The following SORCS3 variants were observed in gnomAD, a reference collection of about 807,000 sequenced individuals.
SORCS3 encodes the protein sortilin related VPS10 domain containing receptor 3.
A neutral mutation model predicts 146.3 loss-of-function variants in SORCS3; 57 were observed. The observed-to-expected ratio is 0.39, with a 90% CI of 0.31 to 0.49. The LOEUF (loss-of-function observed/expected upper bound fraction) is 0.49, where lower values mean the gene tolerates loss of function less well. Among genes scored for constraint, SORCS3 ranks in the 20% least tolerant of loss-of-function variants. The probability of loss-of-function intolerance (pLI) is 0.92; values close to 1 mark genes in which losing one functional copy is unlikely to be tolerated. For synonymous variants in SORCS3, 653 were observed against 618.5 expected, an observed-to-expected ratio of 1.06 and a Z score of -0.83; for missense variants, 1,341 against 1,575.5, an observed-to-expected ratio of 0.85 and a Z score of 2.52.
intron 20 of SORCS3, among the ~76,000 whole-genome samples, chr10:105,225,313 T>C (rs561948206): frequency 1.3e-5 from 2 of 152,216 alleles, no homozygotes; most frequent in South Asian, 2.1e-4. Context: ...TATCCAGTTG[T>C]TCAAGCACCA....
chr10:105,184,828 C>T (rs1164537924), intron 14 of SORCS3, among the ~76,000 whole-genome samples: 1 of 152,274 alleles, frequency 6.6e-6, no homozygotes, highest in Middle Eastern at 3.4e-3. Context: ...GAACATTTAA[C>T]ATGAATTCTG....
chr10:104,933,244 A>G (rs4917433), intron 3 of SORCS3, among the ~76,000 whole-genome samples: 74,212 of 151,818 alleles, frequency 0.49, 21,909 homozygotes, highest in African/African-American at 0.84. Flanking sequence ...ACATCTTGGA[A>G]GACAAAGTCC....
intron 1 of SORCS3, among the ~76,000 whole-genome samples, chr10:104,793,949 AT>A (rs1205922515): frequency 6.6e-6 from 1 of 152,160 alleles, no homozygotes; most frequent in Non-Finnish European, 1.5e-5. Context: ...CTAAAATGGA[AT>A]TTCGGGAATG....
At chr10:105,114,617 C>T (rs535298077) in intron 7 of SORCS3, among the ~76,000 whole-genome samples, 1 of 152,156 alleles carries the variant, frequency 6.6e-6, no homozygotes, top group African/African-American at 2.4e-5. Flanking sequence ...TGATTCAGGC[C>T]AGGAGAAGAG....
At chr10:105,093,052 G>A (rs1408626476) in intron 6 of SORCS3, among the ~76,000 whole-genome samples, 1 of 152,194 alleles carries the variant, frequency 6.6e-6, no homozygotes, top group Non-Finnish European at 1.5e-5. Context: ...TCATTGACAT[G>A]ATTGCCTATG....
intron 1 of SORCS3, among the ~76,000 whole-genome samples, chr10:104,716,628 A>G (rs1192323241): frequency 6.6e-6 from 1 of 152,180 alleles, no homozygotes; most frequent in Non-Finnish European, 1.5e-5. Flanking sequence ...AATCATTAGG[A>G]CCAAGGAGAG....
intron 3 of SORCS3, among the ~76,000 whole-genome samples, chr10:104,970,474 CT>C (rs1187853897): frequency 5.9e-5 from 9 of 152,292 alleles, no homozygotes; most frequent in African/African-American, 2.2e-4. Flanking sequence ...TCCTTTCAAA[CT>C]CTGCGAGCAC....
intron 1 of SORCS3, among the ~76,000 whole-genome samples, chr10:104,750,709 A>G (rs1204127977): frequency 2.6e-5 from 4 of 152,234 alleles, no homozygotes; most frequent in Non-Finnish European, 4.4e-5. Flanking sequence ...GCAGGGATAA[A>G]TGTAAAGTTC....
intron 2 of SORCS3, among the ~76,000 whole-genome samples, chr10:104,883,976 G>GGC (rs768625481): frequency 8.0e-5 from 6 of 75,316 alleles, no homozygotes; most frequent in African/African-American, 3.8e-4. Flanking sequence ...GCTGTGGAAT[G>GGC]AGGGGGGGGA....
chr10:105,018,971 C>G (rs1478509052), intron 4 of SORCS3, among the ~76,000 whole-genome samples: 2 of 152,120 alleles, frequency 1.3e-5, no homozygotes, highest in African/African-American at 4.8e-5. Flanking sequence ...CTTGGGACTT[C>G]CCCCTCTTCC....
At chr10:104,651,767 C>T (rs1261330984) in intron 1 of SORCS3, among the ~76,000 whole-genome samples, 4 of 152,116 alleles carry the variant, frequency 2.6e-5, no homozygotes, top group South Asian at 4.1e-4. Flanking sequence ...CCCGTATTCC[C>T]GGGGTGTTCC....
intron 2 of SORCS3, among the ~76,000 whole-genome samples, chr10:104,908,641 TA>T (rs925478204): frequency 3.8e-4 from 57 of 150,926 alleles, no homozygotes; most frequent in Admixed American, 1.7e-3. Context: ...TTTCAGAAAT[TA>T]AAAAAAAAAT....
At chr10:105,255,407 G>A (rs2056925382) in intron 23 of SORCS3, among the ~76,000 whole-genome samples, 1 of 151,978 alleles carries the variant, frequency 6.6e-6, no homozygotes, top group African/African-American at 2.4e-5. Flanking sequence ...CACCAACATG[G>A]CACATGTATA....
At chr10:104,974,163 G>T (rs1240885632) in intron 3 of SORCS3, among the ~76,000 whole-genome samples, 1 of 152,154 alleles carries the variant, frequency 6.6e-6, no homozygotes, top group Non-Finnish European at 1.5e-5. Context: ...TGAAAAGAAT[G>T]TATATTTTTT....
chr10:105,026,209 T>G (rs1193742262), intron 4 of SORCS3, among the ~76,000 whole-genome samples: 1 of 152,172 alleles, frequency 6.6e-6, no homozygotes, highest in Non-Finnish European at 1.5e-5. Flanking sequence ...CCAGAATATT[T>G]TGCAAATCCC....
chr10:104,902,879 G>A (rs1008076250), intron 2 of SORCS3, among the ~76,000 whole-genome samples: 3 of 152,212 alleles, frequency 2.0e-5, no homozygotes, highest in African/African-American at 7.2e-5. Flanking sequence ...GTAGGTAGGA[G>A]AGCAGGAATT....
At chr10:104,987,933 C>A (rs1017152813) in intron 4 of SORCS3, among the ~76,000 whole-genome samples, 2 of 152,150 alleles carry the variant, frequency 1.3e-5, no homozygotes, top group Non-Finnish European at 2.9e-5. Flanking sequence ...CTCTTACATG[C>A]CCCATGTTAC....
At chr10:105,127,008 A>G (rs144455017) in intron 7 of SORCS3, among the ~76,000 whole-genome samples, 118 of 152,264 alleles carry the variant, frequency 7.7e-4, no homozygotes, top group African/African-American at 2.5e-3. Flanking sequence ...GGTACTTAAT[A>G]CAGTCTGGTC....
At chr10:105,090,318 A>G (rs2055693463) in intron 6 of SORCS3, among the ~76,000 whole-genome samples, 1 of 152,120 alleles carries the variant, frequency 6.6e-6, no homozygotes, top group African/African-American at 2.4e-5. Flanking sequence ...TTTAAGCCCT[A>G]GAGAGAGAGA....
Sources: allele counts gnomAD v4.1 joint callset (sites outside exome capture counted in the v4.1 genomes callset), GRCh38; gene constraint gnomAD v4.1.1; transcripts MANE v1.5; gene names NCBI Gene and HGNC (gene_info 2026-07-23, HGNC 2026-07-21).